SANBR: variants seen among roughly 807,000 people sequenced by gnomAD.
The protein encoded by SANBR is SANT and BTB domain regulator of CSR, also known as SANT and BTB domain regulator of class switch recombination.
Under a neutral mutation model 101.8 loss-of-function variants are expected in SANBR, and 77 were observed. The ratio of observed to expected loss-of-function variants is 0.76; its 90% CI spans 0.63 to 0.91. The LOEUF is 0.91. SANBR is among the 40% of genes least tolerant of loss of function. SANBR has a pLI of 0.00. For synonymous variants in SANBR, 279 were observed against 274.7 expected (o/e 1.02, Z -0.15); for missense variants, 875 against 853.0 (o/e 1.03, Z -0.32).
intron 20 of SANBR, among the ~76,000 whole-genome samples, chr2:61,133,083 C>T (rs1684737647): frequency 6.6e-6 from 1 of 152,132 alleles, no homozygotes; most frequent in African/African-American, 2.4e-5. Context: ...GAAAACCAGT[C>T]TCTACTAAAA....
chr2:61,071,098 T>C (rs1217663361), intron 3 of SANBR, among the ~76,000 whole-genome samples: 2 of 152,122 alleles, frequency 1.3e-5, no homozygotes, highest in African/African-American at 4.8e-5. Flanking sequence ...CCCTGAATTT[T>C]AAAATATAAA....
At chr2:61,106,486 T>G in intron 13 of SANBR, 77 bp from the exon 14 acceptor site, 1 of 986,770 alleles carries the variant, frequency 1.0e-6, no homozygotes, top group Non-Finnish European at 1.6e-6. Flanking sequence ...TTTGAAACAT[T>G]TGTAATAAAA....
chr2:61,071,244 T>C (rs1573581885), intron 3 of SANBR, among the ~76,000 whole-genome samples: 1 of 152,192 alleles, frequency 6.6e-6, no homozygotes, highest in South Asian at 2.1e-4. Flanking sequence ...ACCTTCTCAA[T>C]TTTTTATTTA....
At chr2:61,136,203 C>T (rs529045531) in intron 21 of SANBR, among the ~76,000 whole-genome samples, 1 of 151,268 alleles carries the variant, frequency 6.6e-6, no homozygotes, top group South Asian at 2.1e-4. Flanking sequence ...ACTCGGGAGA[C>T]TATGGCAGGA....
At chr2:61,092,617 C>T (rs368063583) in intron 11 of SANBR, 30 bp downstream of exon 11, 5 of 1,523,402 alleles carry the variant, frequency 3.3e-6, no homozygotes, top group African/African-American at 2.8e-5. Flanking sequence ...ATATCCTGCT[C>T]TGCAAATATT....
chr2:61,113,662 T>G (rs1683940791), intron 16 of SANBR, among the ~76,000 whole-genome samples: 1 of 152,228 alleles, frequency 6.6e-6, no homozygotes, highest in Non-Finnish European at 1.5e-5. Flanking sequence ...GTATATTGAC[T>G]TTGTGTCCTG....
intron 5 of SANBR, among the ~76,000 whole-genome samples, chr2:61,075,766 G>C (rs899838805): frequency 6.6e-6 from 1 of 151,484 alleles, no homozygotes; most frequent in African/African-American, 2.4e-5. Context: ...AAACTGTTTT[G>C]CTGTTAAAAG....
At chr2:61,126,346 T>A (rs907423348), downstream of SANBR, among the ~76,000 whole-genome samples, 27 of 152,188 alleles carry the variant, frequency 1.8e-4, no homozygotes, top group Non-Finnish European at 2.9e-4. Flanking sequence ...TATTAACATC[T>A]TTTTCATGAA....
intron 5 of SANBR, 25 bp downstream of exon 5, chr2:61,073,576 T>C (rs1573586560): frequency 1.6e-6 from 2 of 1,263,534 alleles, no homozygotes; most frequent in South Asian, 1.3e-5. Context: ...GTTTGCTAGA[T>C]AAGATTAAAT....
chr2:61,123,289 T>C lies in SANBR; in HGVS notation c.*1127T>C. ...TTATAACTGACATTTCTTCAAATTA[T>C]TCAGAGAACAGACTTTAATAATGTG... On this transcript the variant is annotated 3_prime_UTR_variant, in exon 22 of 22. Coordinates refer to ENST00000402291, the MANE Select transcript of SANBR (RefSeq NM_001129993.3). 1 of 980,812 alleles carries C rather than the reference T, an allele frequency of 1.0e-6. No individual in the cohort carries two copies. The allele number at this position is 980,812 out of a possible 1,614,324, so 60.8% of individuals were successfully genotyped here. A position where few individuals can be genotyped will look rare whatever the true frequency, so the allele number is the denominator to read the frequency against.
chr2:61,121,561 C>T, intron 21 of SANBR: 1 of 249,486 alleles, frequency 4.0e-6, no homozygotes, highest in South Asian at 5.7e-5. Context: ...CTGGAAGTAG[C>T]AGAATTTTTG....
intron 13 of SANBR, among the ~76,000 whole-genome samples, 159 bp from the exon 14 acceptor site, chr2:61,106,390 CAAAAAAAAAAAAAA>C (rs11364653): frequency 3.2e-5 from 2 of 63,262 alleles, no homozygotes; most frequent in South Asian, 1.4e-3. Flanking sequence ...GACTCCATCT[CAAAAAAAAAAAAAA>C]AAAAAAAAAA....
At chr2:61,066,800 CTTAA>C (rs1282763010) in intron 1 of SANBR, among the ~76,000 whole-genome samples, 1 of 152,016 alleles carries the variant, frequency 6.6e-6, no homozygotes, top group African/African-American at 2.4e-5. Context: ...GACTAGTCTT[CTTAA>C]TTAATACATG....
At chr2:61,134,529 C>T (rs899504359) in intron 21 of SANBR, among the ~76,000 whole-genome samples, 1 of 152,236 alleles carries the variant, frequency 6.6e-6, no homozygotes, top group Non-Finnish European at 1.5e-5. Flanking sequence ...TTAGCAGTCT[C>T]ATGTTCTCAT....
At chr2:61,100,416 T>G (rs1683227814) in intron 12 of SANBR, among the ~76,000 whole-genome samples, 1 of 152,186 alleles carries the variant, frequency 6.6e-6, no homozygotes, top group South Asian at 2.1e-4. Flanking sequence ...GCTTCTGTTT[T>G]GATACCAGAG....
At chr2:61,080,603 C>A (rs1682064124) in intron 6 of SANBR, among the ~76,000 whole-genome samples, 1 of 152,114 alleles carries the variant, frequency 6.6e-6, no homozygotes, top group African/African-American at 2.4e-5. Context: ...CGCCTGTAGT[C>A]CCAGCTACTC....
rs76227079 is a variant in SANBR at position 61,114,570 on chromosome 2, C to T, written c.1745-1409C>T. Among the ~76,000 whole-genome samples, 12 of 152,284 alleles carry T rather than the reference C, an allele frequency of 7.9e-5. No homozygotes were observed. The East Asian group carries it at 2.3e-3, about 29-fold the overall frequency. ...AAGTTTATTTTACAGTTTTTCCCAC[C>T]ATCCTGACTGAACTCCTACATCTCA... On this transcript the variant is annotated intron_variant, in intron 16 of 21. Coordinates refer to ENST00000402291, the MANE Select transcript of SANBR (RefSeq NM_001129993.3).
chr2:61,088,709 T>TG, intron 10 of SANBR: 1 of 270,856 alleles, frequency 3.7e-6, no homozygotes. Flanking sequence ...TTAGTAGAGA[T>TG]GGAGTTTCAC....
rs879590005 is a variant in SANBR at position 61,072,709 on chromosome 2, A to AT, written c.338-738dup. Reference sequence around the variant, plus strand: ...TCTACTGGCCTAGTTAATTTCATGTATTTTTTTTTTTAACTACGAATATTC... The same window carrying AT: ...TCTACTGGCCTAGTTAATTTCATGTATTTTTTTTTTTTAACTACGAATATTC... On this transcript the variant is annotated intron_variant, in intron 4 of 21. Coordinates refer to ENST00000402291, the MANE Select transcript of SANBR (RefSeq NM_001129993.3). Among the ~76,000 whole-genome samples, 84 of 141,802 alleles carry AT rather than the reference A, an allele frequency of 5.9e-4. 1 individual carries two copies. Among genetic ancestry groups the AT allele is most frequent in the African/African-American group, 1.1e-3 (42 of 38,600 alleles). 93.0% of individuals were successfully genotyped at this position (141,802 alleles called of 152,430 possible).
Sources: gnomAD v4.1 joint callset for allele counts (sites outside exome capture counted in the v4.1 genomes callset) on GRCh38, gnomAD v4.1.1 for gene constraint, MANE v1.5 for transcripts, NCBI Gene and HGNC (gene_info 2026-07-23, HGNC 2026-07-21) for gene names.